The following COL14A1 variants were observed in gnomAD, a reference collection of about 807,000 sequenced individuals.
COL14A1 encodes collagen type XIV alpha 1 chain.
A neutral mutation model predicts 230.3 loss-of-function variants in COL14A1; 136 were observed. The ratio of observed to expected loss-of-function variants is 0.59; its 90% CI spans 0.51 to 0.68. The LOEUF is 0.68. COL14A1 is among the 30% of genes least tolerant of loss of function. The pLI, the probability that COL14A1 is intolerant of heterozygous loss-of-function variation, is 0.00. For synonymous variants in COL14A1, 792 were observed against 784.1 expected (o/e 1.01, Z -0.17); for missense variants, 1,976 against 2,215.8 (o/e 0.89, Z 2.17).
At position 120,125,171 on chromosome 8, in the gene COL14A1, C is replaced by T. The variant is rs1200438022; in HGVS notation, c.-207C>T. ...CTCCAGGGGGCTGGAAGTGGAAGCG[C>T]AGCGGCAGAAGGAGAGGGAGAGAGA... On this transcript the variant is annotated 5_prime_UTR_variant, in exon 1 of 48. Coordinates refer to ENST00000297848, the MANE Select transcript of COL14A1 (RefSeq NM_021110.4). The T allele has an allele frequency of 1.3e-5, 2 of 152,858 alleles. No individual in the cohort carries two copies. The highest frequency in any genetic ancestry group is 1.9e-4 in the East Asian group (1 of 5,172). The allele number at this position is 152,858 out of a possible 1,614,324, so 9.5% of individuals were successfully genotyped here. A position where few individuals can be genotyped will look rare whatever the true frequency, so the allele number is the denominator to read the frequency against.
intron 26 of COL14A1, among the ~76,000 whole-genome samples, chr8:120,276,231 C>A (rs1328187717): frequency 6.7e-6 from 1 of 150,330 alleles, no homozygotes; most frequent in Non-Finnish European, 1.5e-5. Context: ...TGAATGGAGG[C>A]CATTATTCTA....
At chr8:120,224,009 C>T (rs1385399347) in intron 14 of COL14A1, among the ~76,000 whole-genome samples, 2 of 144,320 alleles carry the variant, frequency 1.4e-5, no homozygotes, top group Non-Finnish European at 3.0e-5. Flanking sequence ...CCTTCTAGAC[C>T]CTGCCCTCAT....
chr8:120,157,006 ACTTTT>A (rs1160938461), intron 2 of COL14A1, among the ~76,000 whole-genome samples: 4 of 152,192 alleles, frequency 2.6e-5, no homozygotes, highest in Admixed American at 6.5e-5. Context: ...TGAAGTATTA[ACTTTT>A]CTTTTCTAAC....
At chr8:120,318,880 A>T (rs1281453830) in intron 40 of COL14A1, among the ~76,000 whole-genome samples, 2 of 152,222 alleles carry the variant, frequency 1.3e-5, no homozygotes, top group African/African-American at 4.8e-5. Context: ...CCAAAAAATC[A>T]GGAAGCCAAA....
chr8:120,241,060 T>C (rs1393999790), intron 19 of COL14A1, among the ~76,000 whole-genome samples: 2 of 152,190 alleles, frequency 1.3e-5, no homozygotes, highest in Non-Finnish European at 2.9e-5. Flanking sequence ...CTAACATGAA[T>C]TCTGGGTTGC....
At position 120,172,187 on chromosome 8, in the gene COL14A1, G is replaced by C. The variant is rs112214094; in HGVS notation, c.436+3940G>C. On this transcript the variant is annotated intron_variant, in intron 5 of 47. Transcript: ENST00000297848. ...TTTGTTTGAGATGGAGTCTCTCTCT[G>C]TTGCCCAGACAGGAGTGCAGTAGTG... 1.2e-4 allele frequency among the ~76,000 whole-genome samples: 18 copies of C among 152,134 alleles called. No individual in the cohort carries two copies. In the East Asian group the frequency reaches 3.3e-3, roughly 28 times the overall value.
chr8:120,192,731 G>C (rs1322978152), intron 5 of COL14A1, among the ~76,000 whole-genome samples: 1 of 152,124 alleles, frequency 6.6e-6, no homozygotes, highest in East Asian at 1.9e-4. Context: ...ATTTCTTGGA[G>C]GCTTTGTTCA....
At position 120,316,063 on chromosome 8, in the gene COL14A1, C is replaced by T. The variant is rs373340138; in HGVS notation, c.4659+66C>T. 697 of 1,520,200 alleles carry T rather than the reference C, an allele frequency of 4.6e-4. 1 individual carries two copies. Among genetic ancestry groups the T allele is most frequent in the Non-Finnish European group, 5.3e-4 (580 of 1,097,048 alleles). 94.2% of individuals were successfully genotyped at this position (1,520,200 alleles called of 1,614,324 possible). On this transcript the variant is annotated intron_variant, in intron 40 of 47. Coordinates refer to ENST00000297848, the MANE Select transcript of COL14A1 (RefSeq NM_021110.4). ...CCTTTTCACCAGGTCACTCTTATTG[C>T]TGACAGGCTTCTATGTAAGGGAGTC...
intron 1 of COL14A1, among the ~76,000 whole-genome samples, chr8:120,146,758 A>C (rs1369260086): frequency 6.6e-6 from 1 of 152,086 alleles, no homozygotes; most frequent in South Asian, 2.1e-4. Flanking sequence ...CATTATGTTT[A>C]TTTATTATTT....
At chr8:120,286,216 G>T (rs534869510) in intron 33 of COL14A1, among the ~76,000 whole-genome samples, 1 of 151,906 alleles carries the variant, frequency 6.6e-6, no homozygotes, top group South Asian at 2.1e-4. Context: ...TCCTCTTTGA[G>T]GAAAAATGTA....
At chr8:120,343,020 G>T (rs1237840112) in intron 44 of COL14A1, among the ~76,000 whole-genome samples, 1 of 152,116 alleles carries the variant, frequency 6.6e-6, no homozygotes, top group Non-Finnish European at 1.5e-5. Context: ...TGGGCTTTGT[G>T]CCAAAAATTA....
chr8:120,312,341 C>T (rs1233448549), intron 37 of COL14A1, among the ~76,000 whole-genome samples: 2 of 152,146 alleles, frequency 1.3e-5, no homozygotes, highest in African/African-American at 4.8e-5. Flanking sequence ...TCCTCTTCCT[C>T]TGGGAGTCCT....
chr8:120,211,025 T>G (rs1206365721), intron 12 of COL14A1, among the ~76,000 whole-genome samples: 1 of 151,980 alleles, frequency 6.6e-6, no homozygotes, highest in Admixed American at 6.6e-5. Flanking sequence ...AATTTTAAAG[T>G]CTGATAATAC....
In COL14A1 at chr8:120,289,757, C is replaced by T. The variant is rs1167986924; in HGVS notation, c.4227C>T (p.Asn1409=). ...TTCGATCAAGAGGACCAGGTGGAAA[C>T]TCTGCACCGGTAAGTGAATAAACCC... ...KMVRSRGPGG[N]SAPFQLQMFD... Residue 1409 remains asparagine (N), a synonymous_variant, in exon 34 of 48, where the codon AAC becomes AAT. Transcript: ENST00000297848. 2 of 1,613,032 alleles carry T rather than the reference C, an allele frequency of 1.2e-6. No individual in the cohort carries two copies. The highest frequency in any genetic ancestry group is 1.7e-6 in the Non-Finnish European group (2 of 1,179,558).
chr8:120,222,509 C>A (rs1232882197), intron 14 of COL14A1, among the ~76,000 whole-genome samples: 3 of 152,074 alleles, frequency 2.0e-5, no homozygotes, highest in Admixed American at 6.6e-5. Context: ...ATGTGTGACC[C>A]CTCAACTGGA....
At chr8:120,162,822 C>T (rs1198784102) in intron 4 of COL14A1, among the ~76,000 whole-genome samples, 1 of 152,142 alleles carries the variant, frequency 6.6e-6, no homozygotes, top group Non-Finnish European at 1.5e-5. Context: ...AACATTGGCT[C>T]CTGAACCTTA....
At chr8:120,227,468 G>T (rs1818135010) in intron 17 of COL14A1, 116 bp downstream of exon 17, 2 of 1,325,896 alleles carry the variant, frequency 1.5e-6, no homozygotes, top group Non-Finnish European at 2.1e-6. Flanking sequence ...ATTTCTCTTT[G>T]TCCCCCAGAA....
chr8:120,248,310 T>C (rs1818825632), intron 21 of COL14A1, among the ~76,000 whole-genome samples: 1 of 152,132 alleles, frequency 6.6e-6, no homozygotes, highest in Non-Finnish European at 1.5e-5. Flanking sequence ...TCATTATATC[T>C]TGAAGGCATG....
intron 33 of COL14A1, among the ~76,000 whole-genome samples, chr8:120,288,100 A>G (rs1433028058): frequency 6.6e-6 from 1 of 152,060 alleles, no homozygotes; most frequent in African/African-American, 2.4e-5. Flanking sequence ...CTAGAAACTA[A>G]GTTTTCTAGC....
Sources: allele counts gnomAD v4.1 joint callset (sites outside exome capture counted in the v4.1 genomes callset), GRCh38; gene constraint gnomAD v4.1.1; transcripts MANE v1.5; gene names NCBI Gene and HGNC (gene_info 2026-07-23, HGNC 2026-07-21).